The following FAM184A variants were observed in gnomAD, a reference collection of about 807,000 sequenced individuals.
FAM184A encodes the protein family with sequence similarity 184 member A, also known as protein FAM184A.
A neutral mutation model predicts 143.8 loss-of-function variants in FAM184A; 99 were observed. The observed-to-expected ratio is 0.69, with a 90% CI of 0.58 to 0.81. The LOEUF is 0.81. Among genes scored for constraint, FAM184A ranks in the 40% least tolerant of loss-of-function variants. The pLI is 0.00. For synonymous variants in FAM184A, 427 were observed against 446.4 expected, an observed-to-expected ratio of 0.96 and a Z score of 0.55; for missense variants, 1,217 against 1,310.5, an observed-to-expected ratio of 0.93 and a Z score of 1.10.
chr6:118,980,092 AT>A, intron 10 of FAM184A, 45 bp downstream of exon 10: 1 of 1,534,974 alleles, frequency 6.5e-7, no homozygotes. Context: ...ACTAATTATT[AT>A]TAGGCAGTTG....
rs914720765 is a variant in FAM184A at position 118,980,461 on chromosome 6, C to T, written c.2089-111G>A. 1.2e-5 allele frequency: 9 copies of T among 738,854 alleles called. No individual in the cohort carries two copies. The African/African-American group carries it at 1.4e-4, about 12-fold the overall frequency. The allele number at this position is 738,854 out of a possible 1,614,324, so 45.8% of individuals were successfully genotyped here. The stretch of plus-strand genomic sequence containing the variant: ...GATATTAATGATAGTAAAATAACTG[C>T]CTTAATGTTTCCATTTAAAATATTC... On this transcript the variant is annotated intron_variant, in intron 9 of 17. Transcript: ENST00000338891.
At chr6:119,107,790 A>AC (rs1788827157) in intron 1 of FAM184A, among the ~76,000 whole-genome samples, 1 of 137,836 alleles carries the variant, frequency 7.3e-6, no homozygotes, top group Non-Finnish European at 1.5e-5. Flanking sequence ...AAAAAAAAAA[A>AC]AAAAAGAAAG....
intron 9 of FAM184A, among the ~76,000 whole-genome samples, chr6:118,987,960 T>G (rs886950169): frequency 2.0e-5 from 3 of 152,210 alleles, no homozygotes; most frequent in African/African-American, 7.2e-5. Flanking sequence ...AAATATATCT[T>G]ATTGAATGCC....
At chr6:119,022,875 T>TG in intron 3 of FAM184A, 70 bp downstream of exon 3, 1 of 1,582,214 alleles carries the variant, frequency 6.3e-7, no homozygotes, top group East Asian at 2.2e-5. Context: ...AGACTCTGTC[T>TG]CCAAAAAAAT....
At chr6:118,981,809 A>T (rs146273111) in intron 9 of FAM184A, among the ~76,000 whole-genome samples, 1 of 152,322 alleles carries the variant, frequency 6.6e-6, no homozygotes, top group Non-Finnish European at 1.5e-5. Flanking sequence ...CACTGGTGAG[A>T]AATCGTATGA....
chr6:119,129,148 G>C (rs1034729390), intron 1 of FAM184A, among the ~76,000 whole-genome samples: 5 of 152,236 alleles, frequency 3.3e-5, no homozygotes, highest in Admixed American at 1.3e-4. Flanking sequence ...TTTCCAGGTC[G>C]AACCAATGTG....
intron 9 of FAM184A, among the ~76,000 whole-genome samples, chr6:118,995,795 T>A (rs905931540): frequency 2.0e-5 from 3 of 152,236 alleles, no homozygotes; most frequent in South Asian, 2.1e-4. Context: ...ATTTTTAGTA[T>A]CTCATCACAT....
chr6:118,974,030 A>C (rs376539557), intron 14 of FAM184A, among the ~76,000 whole-genome samples: 11 of 152,278 alleles, frequency 7.2e-5, no homozygotes, highest in African/African-American at 2.6e-4. Context: ...GGTATTTGTT[A>C]AGATATTTTG....
chr6:118,991,232 G>A (rs893955294), intron 9 of FAM184A, among the ~76,000 whole-genome samples: 2 of 150,932 alleles, frequency 1.3e-5, no homozygotes, highest in African/African-American at 2.4e-5. Context: ...GCACGATCTC[G>A]GCGCACTGCA....
chr6:119,039,472 A>G (rs1418562023), intron 1 of FAM184A, among the ~76,000 whole-genome samples: 1 of 152,262 alleles, frequency 6.6e-6, no homozygotes, highest in African/African-American at 2.4e-5. Flanking sequence ...AGCCATGGGA[A>G]AACATGAAGA....
intron 1 of FAM184A, among the ~76,000 whole-genome samples, chr6:119,100,979 C>CA (rs1788623088): frequency 1.3e-5 from 2 of 148,864 alleles, no homozygotes; most frequent in African/African-American, 4.9e-5. Flanking sequence ...AAAAACAAAA[C>CA]AAAAAAACTT....
chr6:119,030,325 G>A (rs1378151466), intron 1 of FAM184A, among the ~76,000 whole-genome samples: 1 of 151,982 alleles, frequency 6.6e-6, no homozygotes, highest in African/African-American at 2.4e-5. Flanking sequence ...TTCAAGTTGA[G>A]CTTAACTGGA....
chr6:119,070,840 C>G (rs1377434044), intron 1 of FAM184A, among the ~76,000 whole-genome samples: 1 of 151,844 alleles, frequency 6.6e-6, no homozygotes, highest in Non-Finnish European at 1.5e-5. Context: ...TACGAACTCC[C>G]GTCATTCACA....
intron 1 of FAM184A, among the ~76,000 whole-genome samples, chr6:119,119,682 A>G (rs1184901290): frequency 2.4e-4 from 37 of 152,184 alleles, no homozygotes; most frequent in Admixed American, 2.4e-3. Context: ...AGTAATAGCT[A>G]TATTGAGGCT....
At chr6:119,023,822 TAA>T (rs11353751) in intron 2 of FAM184A, 135 bp downstream of exon 2, 47,371 of 404,186 alleles carry the variant, frequency 0.12, 14 homozygotes, top group Middle Eastern at 0.14. Flanking sequence ...CAGGAAAAGT[TAA>T]AAAAAAAAAA....
upstream of FAM184A, among the ~76,000 whole-genome samples, chr6:119,083,578 G>A (rs992478820): frequency 2.6e-5 from 4 of 152,102 alleles, no homozygotes; most frequent in Non-Finnish European, 5.9e-5. Flanking sequence ...AATCATCTAA[G>A]TTCAAAGTTC....
intron 1 of FAM184A, among the ~76,000 whole-genome samples, chr6:119,107,559 C>T (rs1446098543): frequency 1.3e-5 from 2 of 152,102 alleles, no homozygotes; most frequent in Non-Finnish European, 2.9e-5. Flanking sequence ...GTCAGGAGTT[C>T]GAGACCAGCC....
At chr6:119,075,961 G>A (rs1480640566) in intron 1 of FAM184A, among the ~76,000 whole-genome samples, 6 of 152,092 alleles carry the variant, frequency 3.9e-5, no homozygotes, top group Non-Finnish European at 8.8e-5. Flanking sequence ...TTCATTCTCA[G>A]GCCTCATCTT....
intron 1 of FAM184A, among the ~76,000 whole-genome samples, chr6:119,141,539 C>T (rs1454708283): frequency 2.0e-5 from 3 of 152,218 alleles, no homozygotes; most frequent in Non-Finnish European, 4.4e-5. Context: ...GGCAGTGGCG[C>T]GATCTTGGCT....
Sources: gnomAD v4.1 joint callset for allele counts (sites outside exome capture counted in the v4.1 genomes callset) on GRCh38, gnomAD v4.1.1 for gene constraint, MANE v1.5 for transcripts, NCBI Gene and HGNC (gene_info 2026-07-23, HGNC 2026-07-21) for gene names.